Variants in CAST observed in about 807,000 individuals in gnomAD.
CAST encodes MIR583 host.
A neutral mutation model predicts 119.6 loss-of-function variants in CAST; 76 were observed. The observed-to-expected ratio is 0.64, with a 90% confidence interval of 0.53 to 0.77. The LOEUF is 0.77. CAST is among the 30% of genes least tolerant of loss of function. The pLI is 0.00. For synonymous variants in CAST, 319 were observed against 331.6 expected (o/e 0.96, Z 0.41); for missense variants, 953 against 946.5 (o/e 1.01, Z -0.09).
the CAST span, among the ~76,000 whole-genome samples, chr5:96,300,379 T>C: frequency 2.0e-5 from 3 of 152,232 alleles, no homozygotes; most frequent in East Asian, 5.8e-4. Flanking sequence ...TTGAATATCC[T>C]TATCACCTTC....
the CAST span, among the ~76,000 whole-genome samples, chr5:95,988,948 A>C: frequency 6.6e-6 from 1 of 152,286 alleles, no homozygotes; most frequent in South Asian, 2.1e-4. Context: ...TATTTAAAAA[A>C]CGTAATGCTC....
the CAST span, among the ~76,000 whole-genome samples, chr5:96,389,857 C>A: frequency 6.6e-6 from 1 of 152,000 alleles, no homozygotes; most frequent in African/African-American, 2.4e-5. Flanking sequence ...ATCGTTTGAG[C>A]CTGGGATGTG....
intron 1 of CAST, among the ~76,000 whole-genome samples, chr5:96,645,514 T>C (rs1248804214): frequency 6.6e-6 from 1 of 152,218 alleles, no homozygotes; most frequent in African/African-American, 2.4e-5. Flanking sequence ...TTTGCAAGAT[T>C]CTCTAAGATT....
chr5:96,374,465 C>T, the CAST span, among the ~76,000 whole-genome samples: 2 of 152,214 alleles, frequency 1.3e-5, no homozygotes, highest in South Asian at 4.2e-4. Flanking sequence ...TTCTGATTTC[C>T]ACTCTTCAAG....
At chr5:96,279,525 G>T in the CAST span, among the ~76,000 whole-genome samples, 1 of 152,202 alleles carries the variant, frequency 6.6e-6, no homozygotes, top group East Asian at 1.9e-4. Flanking sequence ...AATTCAGCAG[G>T]ATCCCACAGA....
At chr5:96,753,451 G>C (rs1028719455) in intron 20 of CAST, among the ~76,000 whole-genome samples, 49 of 152,336 alleles carry the variant, frequency 3.2e-4, no homozygotes, top group African/African-American at 1.1e-3. Flanking sequence ...AGCATGGCCA[G>C]AGTTCATTAC....
the CAST span, among the ~76,000 whole-genome samples, chr5:95,963,058 A>C: frequency 2.1e-4 from 32 of 152,122 alleles, no homozygotes; most frequent in Non-Finnish European, 4.1e-4. Context: ...GGATGGATTA[A>C]TTGGTTGATC....
intron 1 of CAST, among the ~76,000 whole-genome samples, chr5:96,616,050 T>C (rs143974987): frequency 6.6e-6 from 1 of 151,984 alleles, no homozygotes; most frequent in East Asian, 1.9e-4. Context: ...GCCTGTTTTA[T>C]ATTCTGGCCA....
the CAST span, among the ~76,000 whole-genome samples, chr5:96,242,423 G>A: frequency 6.6e-6 from 1 of 152,120 alleles, no homozygotes; most frequent in East Asian, 1.9e-4. Flanking sequence ...GAGCCACCAT[G>A]TCCAGCTGAA....
the CAST span, chr5:96,432,839 T>C: frequency 1.2e-6 from 2 of 1,610,300 alleles, no homozygotes; most frequent in South Asian, 2.2e-5. Flanking sequence ...CCCCAGAAAG[T>C]TTCTTGAAAG....
At chr5:96,332,863 C>T in the CAST span, among the ~76,000 whole-genome samples, 1 of 152,164 alleles carries the variant, frequency 6.6e-6, no homozygotes, top group Non-Finnish European at 1.5e-5. Flanking sequence ...CTGCCCAGCC[C>T]TGTTTTTCCC....
the CAST span, among the ~76,000 whole-genome samples, chr5:96,452,956 C>CAAAAAAAAAAAAAA: frequency 3.2e-5 from 2 of 62,716 alleles, no homozygotes; most frequent in African/African-American, 2.4e-4. Context: ...GACTCCGTCT[C>CAAAAAAAAAAAAAA]AAAAAAAAAA....
chr5:96,158,984 C>T, the CAST span, among the ~76,000 whole-genome samples: 2 of 151,960 alleles, frequency 1.3e-5, no homozygotes, highest in African/African-American at 2.4e-5. Context: ...ATTTTGTGAC[C>T]CTCTTTTGTT....
chr5:96,294,782 T>C, the CAST span, among the ~76,000 whole-genome samples: 7 of 152,212 alleles, frequency 4.6e-5, no homozygotes, highest in Non-Finnish European at 1.0e-4. Context: ...CTTCACATGG[T>C]AGAGGAAAGT....
chr5:96,698,033 G>A (rs1753497924), intron 3 of CAST, among the ~76,000 whole-genome samples: 1 of 152,310 alleles, frequency 6.6e-6, no homozygotes, highest in South Asian at 2.1e-4. Flanking sequence ...CACTAAAAAT[G>A]ATACACCTCA....
At chr5:96,260,733 T>TGGCAATTAAGATAAAA in the CAST span, among the ~76,000 whole-genome samples, 186 of 152,262 alleles carry the variant, frequency 1.2e-3, 1 homozygote, top group Non-Finnish European at 1.9e-3. Context: ...GGCCTAGGCA[T>TGGCAATTAAGATAAAA]GGCAATTAAG....
the CAST span, among the ~76,000 whole-genome samples, chr5:96,161,676 G>T: frequency 6.6e-6 from 1 of 152,158 alleles, no homozygotes; most frequent in Admixed American, 6.5e-5. Context: ...TTTTGATAGG[G>T]ATTGTATTGA....
the CAST span, among the ~76,000 whole-genome samples, chr5:96,074,765 T>C: frequency 6.6e-6 from 1 of 152,194 alleles, no homozygotes; most frequent in Admixed American, 6.5e-5. Context: ...CTTGCTATCA[T>C]CTCTAGACAG....
the CAST span, among the ~76,000 whole-genome samples, chr5:95,966,881 A>G: frequency 2.0e-5 from 3 of 152,120 alleles, no homozygotes; most frequent in African/African-American, 7.2e-5. Flanking sequence ...ACACCAAGAA[A>G]ATTCTCCCCT....
Sources: allele counts gnomAD v4.1 joint callset (sites outside exome capture counted in the v4.1 genomes callset), GRCh38; gene constraint gnomAD v4.1.1; transcripts MANE v1.5; gene names NCBI Gene and HGNC (gene_info 2026-07-23, HGNC 2026-07-21).